The following CACNA1H variants were observed in gnomAD, a reference collection of about 807,000 sequenced individuals.
CACNA1H encodes the protein voltage-dependent T-type calcium channel subunit alpha-1H.
In CACNA1H, 149 loss-of-function variants were observed where a neutral mutation model predicts 192.5. That is an observed-to-expected ratio of 0.77 (90% CI 0.68 to 0.89). The LOEUF (loss-of-function observed/expected upper bound fraction) is 0.89. Among genes scored for constraint, CACNA1H ranks in the 40% least tolerant of loss-of-function variants. CACNA1H has a pLI of 0.00. For missense variants in CACNA1H, 4,257 were observed against 3,423.5 expected, an observed-to-expected ratio of 1.24 and a Z score of -6.08; for synonymous variants, 2,202 against 1,475.2, an observed-to-expected ratio of 1.49 and a Z score of -11.29.
chr16:1,183,348 C>T (rs1965662798), intron 2 of CACNA1H, among the ~76,000 whole-genome samples: 1 of 152,194 alleles, frequency 6.6e-6, no homozygotes, highest in Admixed American at 6.5e-5. Flanking sequence ...GTGGCTTCTC[C>T]CGAGGAAGGA....
In CACNA1H at chr16:1,220,913, A is replaced by G. The variant is rs1317871674; in HGVS notation, c.6981A>G (p.Thr2327=). ...AGAAGAGGCGGGGGCTGTACCTCAC[A>G]GTCCCCCAGTGTCCTCTGGAGAAAC... The part of the protein sequence containing the change: ...PPEKRRGLYL[T]VPQCPLEKPG... Residue 2327 remains threonine (T), a synonymous_variant, in exon 35 of 35, where the codon ACA becomes ACG. Transcript: ENST00000348261. 2 of 1,611,372 alleles carry G rather than the reference A, an allele frequency of 1.2e-6. No homozygotes were observed. The highest frequency in any genetic ancestry group is 1.7e-6 in the Non-Finnish European group (2 of 1,178,880).
Position 1,218,619 on chromosome 16 carries a change from A to T in CACNA1H, c.5855A>T (p.Glu1952Val), listed in dbSNP as rs1970226967. ...APHPRPLQEV[E>V]METYGAGTPL... ...CACCCCCGCCCGCTGCAGGAGGTGG[A>T]GATGGAGACCTATGGGGCCGGCACC... Residue 1952 changes from glutamate to valine, a missense_variant, in exon 33 of 35, where the codon GAG (glutamate) becomes GTG (valine). By Grantham distance (121) the Glu-to-Val change is moderately radical (BLOSUM62 -2). Transcript: ENST00000348261. The T allele has an allele frequency of 6.4e-7, 1 of 1,560,614 alleles. No homozygotes were observed. Among genetic ancestry groups the T allele is most frequent in the Non-Finnish European group, 8.7e-7 (1 of 1,152,586 alleles).
At chr16:1,198,067 CAA>C (rs1967207604) in intron 5 of CACNA1H, among the ~76,000 whole-genome samples, 1 of 152,284 alleles carries the variant, frequency 6.6e-6, no homozygotes, top group Non-Finnish European at 1.5e-5. Context: ...GGGAATCAGA[CAA>C]AGTTTTCAGG....
intron 16 of CACNA1H, among the ~76,000 whole-genome samples, 179 bp downstream of exon 16, chr16:1,208,400 G>T (rs183774595): frequency 6.6e-6 from 1 of 152,276 alleles, no homozygotes; most frequent in East Asian, 1.9e-4. Flanking sequence ...GGCTGCTGTT[G>T]TGTGAGGCCG....
intron 2 of CACNA1H, among the ~76,000 whole-genome samples, chr16:1,186,598 G>T (rs1362730992): frequency 1.3e-5 from 2 of 152,084 alleles, no homozygotes; most frequent in Non-Finnish European, 2.9e-5. Context: ...CCCTCGAGAT[G>T]GCCTGCACTG....
chr16:1,202,851 C>G (rs904213654), intron 9 of CACNA1H, among the ~76,000 whole-genome samples: 1 of 152,118 alleles, frequency 6.6e-6, no homozygotes, highest in African/African-American at 2.4e-5. Flanking sequence ...GGCTGGCCCC[C>G]CTTCTAGGTG....
At chr16:1,174,184 T>G (rs1247977768) in intron 2 of CACNA1H, among the ~76,000 whole-genome samples, 1 of 151,940 alleles carries the variant, frequency 6.6e-6, no homozygotes, top group Non-Finnish European at 1.5e-5. Flanking sequence ...AGGGCAGAGG[T>G]CCTGGCGGCC....
At position 1,215,729 on chromosome 16, in the gene CACNA1H, T is replaced by C. The variant is rs375823572; in HGVS notation, c.5244+136T>C. 2.9e-4 allele frequency: 205 copies of C among 719,202 alleles called. 3 individuals carry two copies. Among genetic ancestry groups the C allele is most frequent in the African/African-American group, 2.7e-3 (158 of 57,508 alleles). The allele number at this position is 719,202 out of a possible 1,614,324, so 44.6% of individuals were successfully genotyped here. On this transcript the variant is annotated intron_variant, in intron 30 of 34. Transcript: ENST00000348261. Reference sequence around the variant, plus strand: ...GTGGTGGCTGAAGCTGCGTCCCTGCTGTGTGCAGTGCATGGCTTGGCTGGG... The same window carrying C: ...GTGGTGGCTGAAGCTGCGTCCCTGCCGTGTGCAGTGCATGGCTTGGCTGGG...
At chr16:1,206,638 G>A in intron 12 of CACNA1H, 1 of 421,408 alleles carries the variant, frequency 2.4e-6, no homozygotes, top group African/African-American at 2.0e-5. Context: ...TGGAGCTCAG[G>A]GTCAGGGTCG....
intron 2 of CACNA1H, among the ~76,000 whole-genome samples, chr16:1,187,352 C>T (rs1966174494): frequency 1.3e-5 from 2 of 152,216 alleles, no homozygotes; most frequent in African/African-American, 4.8e-5. Flanking sequence ...GCTAAGAGTC[C>T]TGGTTGCCTG....
chr16:1,209,851 G>T (rs1969213274), intron 17 of CACNA1H, among the ~76,000 whole-genome samples, 184 bp from the exon 18 acceptor site: 1 of 152,196 alleles, frequency 6.6e-6, no homozygotes, highest in Admixed American at 6.5e-5. Context: ...TAGGGAAGGG[G>T]GAGGCTCCAC....
chr16:1,172,092 G>C (rs994954556), intron 2 of CACNA1H, among the ~76,000 whole-genome samples: 8 of 152,032 alleles, frequency 5.3e-5, no homozygotes, highest in African/African-American at 1.2e-4. Context: ...GCAGGTGTCA[G>C]ACGTCACCGG....
rs1286665255 is a variant in CACNA1H, at chr16:1,219,013, C to G, written c.5931C>G (p.Ala1977=). 1 of 1,550,312 alleles carries G rather than the reference C, an allele frequency of 6.5e-7. No homozygotes were observed. The highest frequency in any genetic ancestry group is 8.7e-7 in the Non-Finnish European group (1 of 1,146,882). ...SVHSPPAESC[A]SLQIPLAVSS... is the part of the protein sequence containing the mutation. ...ACTCTCCGCCCGCAGAGTCCTGTGC[C>G]TCCCTCCAGATCCCATTGGCTGTGT... The change falls in exon 34 of 35, where the codon GCC becomes GCG. Residue 1977 remains alanine, a synonymous_variant. Coordinates refer to ENST00000348261, the MANE Select transcript of CACNA1H (RefSeq NM_021098.3).
chr16:1,204,463 G>T lies in CACNA1H; in HGVS notation c.2451+5G>T, dbSNP rs557080821. 2.6e-6 allele frequency: 4 copies of T among 1,521,212 alleles called. No individual in the cohort carries two copies. In the South Asian group the frequency reaches 4.0e-5, roughly 15 times the overall value. The allele number at this position is 1,521,212 out of a possible 1,614,324, so 94.2% of individuals were successfully genotyped here. On this transcript the variant is annotated splice_donor_5th_base_variant and intron_variant, in intron 10 of 34. Coordinates refer to ENST00000348261, the MANE Select transcript of CACNA1H (RefSeq NM_021098.3). ...GGCGTGGAGTACCATGAGCAGGTGC[G>T]GGCTGGCCTGGCCACGGGGTGGGCT... is the stretch of plus-strand genomic sequence containing the variant.
At position 1,220,611 on chromosome 16, in the gene CACNA1H, C is replaced by T; in HGVS notation, c.6679C>T (p.Pro2227Ser). ...RRRTPSCEAT[P>S]HRDSLEPTEG... ...CAGGACCCCGTCCTGTGAGGCCACG[C>T]CTCACAGGGACTCCCTGGAGCCCAC... is the stretch of plus-strand genomic sequence containing the variant. Residue 2227 changes from proline to serine, a missense_variant, in exon 35 of 35, where the codon CCT becomes TCT. By Grantham distance (74) the Pro-to-Ser change is moderately conservative. Transcript: ENST00000348261. The T allele has an allele frequency of 6.3e-7, 1 of 1,575,854 alleles. No individual in the cohort carries two copies. The highest frequency in any genetic ancestry group is 8.6e-7 in the Non-Finnish European group (1 of 1,165,062).
Position 1,220,278 on chromosome 16 carries a change from G to A in CACNA1H, c.6346G>A (p.Glu2116Lys), listed in dbSNP as rs768078771. The change falls in exon 35 of 35, where the codon GAG (glutamate) becomes AAG (lysine). Residue 2116 changes from glutamate to lysine, a missense_variant. By Grantham distance (56) the Glu-to-Lys change is moderately conservative (BLOSUM62 1). Coordinates refer to ENST00000348261, the MANE Select transcript of CACNA1H (RefSeq NM_021098.3). ...SSACPWQPTA[E>K]PHGPEASPVA... ...CGCCTGCCCCTGGCAGCCCACAGCCGAGCCCCATGGCCCCGAAGCCTCTCC... is the reference window on the plus strand; with the variant it reads ...CGCCTGCCCCTGGCAGCCCACAGCCAAGCCCCATGGCCCCGAAGCCTCTCC... 2.5e-5 allele frequency: 40 copies of A among 1,585,458 alleles called. No homozygotes were observed. The highest frequency in any genetic ancestry group is 2.1e-4 in the South Asian group (19 of 89,298).
chr16:1,200,258 A>G lies in CACNA1H; in HGVS notation c.806A>G (p.Asn269Ser), dbSNP rs751311855. 4 of 1,595,488 alleles carry G rather than the reference A, an allele frequency of 2.5e-6. No homozygotes were observed. Among genetic ancestry groups the G allele is most frequent in the South Asian group, 1.1e-5 (1 of 88,702 alleles). Reference protein sequence around the residue: ...RCFLDSAFVRNNNLTFLRPYY... With the variant: ...RCFLDSAFVRSNNLTFLRPYY... ...GCCCTGGCTGTGCCCATCCCCAGGA[A>G]CAACAACCTGACCTTCCTGCGGCCG... The change falls in exon 7 of 35, where the codon AAC becomes AGC. Residue 269 changes from asparagine (N) to serine (S), a missense_variant and splice_region_variant. Coordinates refer to ENST00000348261, the MANE Select transcript of CACNA1H (RefSeq NM_021098.3).
chr16:1,198,877 G>A (rs1297289011), intron 6 of CACNA1H, 103 bp downstream of exon 6: 23 of 1,153,938 alleles, frequency 2.0e-5, no homozygotes, highest in African/African-American at 9.3e-5. Context: ...TCTGCCCACC[G>A]TGCAGTCACC....
chr16:1,185,352 C>T (rs952195474), intron 2 of CACNA1H, among the ~76,000 whole-genome samples: 6 of 152,090 alleles, frequency 3.9e-5, no homozygotes, highest in Admixed American at 3.9e-4. Flanking sequence ...TTCCTTTGTC[C>T]CTGGTGTAGG....
Sources: gnomAD v4.1 joint callset for allele counts (sites outside exome capture counted in the v4.1 genomes callset) on GRCh38, gnomAD v4.1.1 for gene constraint, MANE v1.5 for transcripts, NCBI Gene and HGNC (gene_info 2026-07-23, HGNC 2026-07-21) for gene names.